CADM1: variants seen among roughly 807,000 people sequenced by gnomAD.
CADM1 encodes the protein cell adhesion molecule 1, also known as TSLC-1.
A neutral mutation model predicts 53.1 loss-of-function variants in CADM1; 15 were observed. The observed-to-expected ratio is 0.28, with a 90% confidence interval of 0.19 to 0.44. The LOEUF (loss-of-function observed/expected upper bound fraction) is 0.44. CADM1 is among the 20% of genes least tolerant of loss of function. CADM1 has a pLI of 1.00. For missense variants in CADM1, 434 were observed against 611.3 expected (o/e 0.71, Z 3.06); for synonymous variants, 281 against 243.0 (o/e 1.16, Z -1.45).
intron 3 of CADM1, 39 bp from the exon 4 acceptor site, chr11:115,231,529 C>A (rs773079481): frequency 9.4e-6 from 15 of 1,597,664 alleles, no homozygotes; most frequent in Non-Finnish European, 1.3e-5. Flanking sequence ...ACACAGAATG[C>A]ATTTTTGCAT....
rs1289818734 is a variant in CADM1 at position 115,328,719 on chromosome 11, T to TATAC, written c.125-88300_125-88299insGTAT. Among the ~76,000 whole-genome samples, 48 of 104,736 alleles carry TATAC rather than the reference T, an allele frequency of 4.6e-4. 10 individuals carry two copies. Among genetic ancestry groups the TATAC allele is most frequent in the South Asian group, 3.6e-3 (10 of 2,754 alleles). The allele number at this position is 104,736 out of a possible 152,430, so 68.7% of individuals were successfully genotyped here. On this transcript the variant is annotated intron_variant, in intron 1 of 11. Coordinates refer to ENST00000331581, the MANE Select transcript of CADM1 (RefSeq NM_001301043.2). ...ATATATATGTATATATATATGTGTA[T>TATAC]ATATATGTATATACATATATATATA...
chr11:115,258,098 G>A (rs1463767766), intron 1 of CADM1, among the ~76,000 whole-genome samples: 1 of 152,180 alleles, frequency 6.6e-6, no homozygotes, highest in African/African-American at 2.4e-5. Context: ...GGATAAACTT[G>A]GGAAGGTTAC....
At chr11:115,431,655 C>G (rs1481113638) in intron 1 of CADM1, among the ~76,000 whole-genome samples, 1 of 152,072 alleles carries the variant, frequency 6.6e-6, no homozygotes, top group African/African-American at 2.4e-5. Flanking sequence ...TCTCTGACTC[C>G]AGCTAATGGC....
At chr11:115,399,837 T>C in intron 1 of CADM1, among the ~76,000 whole-genome samples, 1 of 152,210 alleles carries the variant, frequency 6.6e-6, no homozygotes, top group East Asian at 1.9e-4. Flanking sequence ...TCACATAGCG[T>C]TAGCCAGTTC....
chr11:115,493,083 AG>A (rs1167086054), intron 1 of CADM1, among the ~76,000 whole-genome samples: 1 of 152,134 alleles, frequency 6.6e-6, no homozygotes, highest in Non-Finnish European at 1.5e-5. Flanking sequence ...GATTCCTTGG[AG>A]AAATAACTGA....
intron 1 of CADM1, among the ~76,000 whole-genome samples, chr11:115,430,939 G>A (rs769491052): frequency 2.6e-5 from 4 of 152,156 alleles, no homozygotes; most frequent in Non-Finnish European, 5.9e-5. Flanking sequence ...GCAAATGTTT[G>A]TTTCCGATAT....
chr11:115,460,182 C>G (rs1948764914), intron 1 of CADM1, among the ~76,000 whole-genome samples: 2 of 152,018 alleles, frequency 1.3e-5, no homozygotes, highest in South Asian at 4.2e-4. Flanking sequence ...TTCTGGGCAG[C>G]AATTGCTGCC....
intron 1 of CADM1, among the ~76,000 whole-genome samples, chr11:115,334,774 G>A (rs1322678643): frequency 6.6e-6 from 1 of 152,082 alleles, no homozygotes; most frequent in Non-Finnish European, 1.5e-5. Context: ...ACACATTCGA[G>A]TAGTCTATAA....
chr11:115,201,068 A>C (rs1280005868), intron 8 of CADM1, among the ~76,000 whole-genome samples: 1 of 152,194 alleles, frequency 6.6e-6, no homozygotes, highest in African/African-American at 2.4e-5. Context: ...AAATCCATCA[A>C]CTGCACCCAA....
intron 3 of CADM1, among the ~76,000 whole-genome samples, chr11:115,234,893 CAAAAAAAAAAAAA>C (rs57197514): frequency 5.3e-5 from 4 of 75,388 alleles, no homozygotes; most frequent in Admixed American, 1.9e-4. Flanking sequence ...ACTCCGTCTC[CAAAAAAAAAAAAA>C]AAAAAAAAAA....
At chr11:115,347,372 T>C (rs1945608406) in intron 1 of CADM1, among the ~76,000 whole-genome samples, 1 of 152,178 alleles carries the variant, frequency 6.6e-6, no homozygotes. Flanking sequence ...GTTGTTTTCA[T>C]CTCCCCACTT....
At chr11:115,384,626 T>C (rs1293054490) in intron 1 of CADM1, among the ~76,000 whole-genome samples, 2 of 152,206 alleles carry the variant, frequency 1.3e-5, no homozygotes, top group Non-Finnish European at 2.9e-5. Flanking sequence ...TCTAGAGGAT[T>C]AGCCAAGTGA....
At chr11:115,463,866 CCGGGGG>C (rs1370872903) in intron 1 of CADM1, among the ~76,000 whole-genome samples, 2 of 132,558 alleles carry the variant, frequency 1.5e-5, no homozygotes, top group African/African-American at 5.7e-5. Context: ...TTTTTTTGGG[CCGGGGG>C]CGGGGTGCAG....
chr11:115,445,923 C>T (rs1017320979), intron 1 of CADM1: 1 of 253,578 alleles, frequency 3.9e-6, no homozygotes, highest in African/African-American at 2.3e-5. Flanking sequence ...GCAATCCAAA[C>T]TTATCAAATA....
intron 1 of CADM1, among the ~76,000 whole-genome samples, chr11:115,391,513 G>T (rs1024889828): frequency 2.0e-5 from 3 of 152,162 alleles, no homozygotes; most frequent in African/African-American, 7.2e-5. Flanking sequence ...GCAAGAAAAA[G>T]AAGTAGAAAT....
chr11:115,212,975 T>C (rs1464628695), intron 7 of CADM1, among the ~76,000 whole-genome samples: 1 of 152,228 alleles, frequency 6.6e-6, no homozygotes, highest in Non-Finnish European at 1.5e-5. Context: ...ACAAAATGTT[T>C]CTTCTCTTGA....
At chr11:115,294,521 G>A (rs1337887232) in intron 1 of CADM1, among the ~76,000 whole-genome samples, 2 of 152,060 alleles carry the variant, frequency 1.3e-5, no homozygotes, top group Non-Finnish European at 2.9e-5. Context: ...CTTTGGGAAG[G>A]GCCTTCCTCT....
intron 3 of CADM1, among the ~76,000 whole-genome samples, chr11:115,231,950 C>T (rs1941830238): frequency 6.6e-6 from 1 of 152,030 alleles, no homozygotes; most frequent in South Asian, 2.1e-4. Flanking sequence ...CGTGCCATTG[C>T]ATGCCAGCCT....
At chr11:115,363,142 T>C (rs1003395461) in intron 1 of CADM1, among the ~76,000 whole-genome samples, 1 of 152,220 alleles carries the variant, frequency 6.6e-6, no homozygotes. Flanking sequence ...CTTGTCACTA[T>C]ACTCAAAGTT....
Sources: gnomAD v4.1 joint callset for allele counts (sites outside exome capture counted in the v4.1 genomes callset) on GRCh38, gnomAD v4.1.1 for gene constraint, MANE v1.5 for transcripts, NCBI Gene and HGNC (gene_info 2026-07-23, HGNC 2026-07-21) for gene names.